NRG1: variants seen among roughly 807,000 people sequenced by gnomAD.
The protein encoded by NRG1 is neuregulin 1.
Under a neutral mutation model 63.8 loss-of-function variants are expected in NRG1, and 18 were observed. That is an observed-to-expected ratio of 0.28 (90% confidence interval 0.19 to 0.42). NRG1 has a LOEUF of 0.42. Ranked by LOEUF, NRG1 falls within the 10% of genes least tolerant of loss-of-function variation. The pLI is 1.00. For missense variants in NRG1, 762 were observed against 814.7 expected, an observed-to-expected ratio of 0.94 and a Z score of 0.79; for synonymous variants, 302 against 301.3, an observed-to-expected ratio of 1.00 and a Z score of -0.02.
At chr8:32,187,200 C>T (rs1842052803) in intron 1 of NRG1, among the ~76,000 whole-genome samples, 1 of 152,094 alleles carries the variant, frequency 6.6e-6, no homozygotes, top group African/African-American at 2.4e-5. Context: ...CCATCATGCT[C>T]TTAACATTTT....
intron 5 of NRG1, among the ~76,000 whole-genome samples, chr8:32,691,007 C>T (rs533927950): frequency 6.6e-6 from 1 of 150,532 alleles, no homozygotes; most frequent in South Asian, 2.1e-4. Context: ...CTAACTCCCC[C>T]AAGAAAAGAC....
intron 1 of NRG1, among the ~76,000 whole-genome samples, chr8:31,954,540 G>A (rs375052527): frequency 6.6e-6 from 1 of 152,188 alleles, no homozygotes; most frequent in African/African-American, 2.4e-5. Context: ...CCTGCTAATT[G>A]TCTGTATAGC....
intron 5 of NRG1, among the ~76,000 whole-genome samples, chr8:32,717,034 A>G (rs894086359): frequency 1.3e-5 from 2 of 152,144 alleles, no homozygotes; most frequent in Admixed American, 6.6e-5. Context: ...GAAAAAGAAG[A>G]AAAAGAAAAA....
intron 1 of NRG1, among the ~76,000 whole-genome samples, chr8:32,572,654 A>G (rs2129528972): frequency 6.6e-6 from 1 of 152,296 alleles, no homozygotes; most frequent in East Asian, 1.9e-4. Context: ...TATGTTACTA[A>G]TACAGCAACA....
intron 5 of NRG1, among the ~76,000 whole-genome samples, chr8:32,638,564 G>A (rs1248579525): frequency 2.0e-5 from 3 of 152,096 alleles, no homozygotes; most frequent in Non-Finnish European, 4.4e-5. Flanking sequence ...CTGGCCTCAG[G>A]CAATCCTCCT....
At chr8:31,932,456 T>C (rs1585865243) in intron 1 of NRG1, among the ~76,000 whole-genome samples, 1 of 152,270 alleles carries the variant, frequency 6.6e-6, no homozygotes, top group East Asian at 1.9e-4. Flanking sequence ...TTCTTGTGCT[T>C]TTCCTTTGAG....
chr8:32,230,240 C>T (rs537643247), intron 1 of NRG1, among the ~76,000 whole-genome samples: 1 of 152,266 alleles, frequency 6.6e-6, no homozygotes, highest in Non-Finnish European at 1.5e-5. Context: ...TCAAAGTGTG[C>T]TAAGGTCAGC....
At chr8:32,343,767 G>A (rs549087318) in intron 1 of NRG1, among the ~76,000 whole-genome samples, 134 of 152,314 alleles carry the variant, frequency 8.8e-4, no homozygotes, top group Non-Finnish European at 1.5e-3. Context: ...AAATTGTTTA[G>A]CACCTCATTG....
chr8:32,335,324 G>T (rs2129477876), intron 1 of NRG1, among the ~76,000 whole-genome samples: 1 of 152,270 alleles, frequency 6.6e-6, no homozygotes, highest in Non-Finnish European at 1.5e-5. Context: ...GTGTGGGTGA[G>T]CTTACCAGTT....
chr8:32,725,080 G>A (rs1821734598), intron 5 of NRG1, among the ~76,000 whole-genome samples: 1 of 152,124 alleles, frequency 6.6e-6, no homozygotes, highest in Admixed American at 6.6e-5. Context: ...ATGTGTCTAT[G>A]TGTTGCTTAT....
intron 1 of NRG1, among the ~76,000 whole-genome samples, chr8:31,676,336 G>A (rs931351956): frequency 6.6e-6 from 1 of 152,076 alleles, no homozygotes. Flanking sequence ...ATTTCCATGC[G>A]ATCATAGCTT....
At chr8:31,694,733 G>A (rs1809882819) in intron 1 of NRG1, among the ~76,000 whole-genome samples, 1 of 152,200 alleles carries the variant, frequency 6.6e-6, no homozygotes, top group Non-Finnish European at 1.5e-5. Flanking sequence ...CAGGCTAGGG[G>A]GCTACAATTC....
chr8:32,127,728 G>A (rs892510228), intron 1 of NRG1, among the ~76,000 whole-genome samples: 2 of 151,732 alleles, frequency 1.3e-5, no homozygotes, highest in Admixed American at 6.6e-5. Context: ...ACACTCTTTT[G>A]CTGCTTAGTG....
intron 1 of NRG1, among the ~76,000 whole-genome samples, chr8:32,109,688 C>A (rs1831748433): frequency 6.6e-6 from 1 of 152,066 alleles, no homozygotes; most frequent in African/African-American, 2.4e-5. Flanking sequence ...GCTTTCTCAT[C>A]AACACCAAGA....
intron 1 of NRG1, among the ~76,000 whole-genome samples, chr8:32,535,633 C>A (rs1265227511): frequency 2.6e-5 from 4 of 152,162 alleles, no homozygotes; most frequent in Non-Finnish European, 5.9e-5. Flanking sequence ...GGGCTAGAGA[C>A]AGGATGATCT....
At chr8:32,664,402 A>T (rs1589069308) in intron 5 of NRG1, among the ~76,000 whole-genome samples, 1 of 152,032 alleles carries the variant, frequency 6.6e-6, no homozygotes, top group Non-Finnish European at 1.5e-5. Context: ...GTAACATATG[A>T]TTCTGATGGG....
chr8:31,902,683 T>TGCAA (rs1832185659), intron 1 of NRG1, among the ~76,000 whole-genome samples: 3 of 152,182 alleles, frequency 2.0e-5, no homozygotes, highest in Non-Finnish European at 2.9e-5. Context: ...CATAATTATT[T>TGCAA]GTGTGCAATA....
chr8:31,697,881 T>C (rs1426307421), intron 1 of NRG1, among the ~76,000 whole-genome samples: 1 of 149,424 alleles, frequency 6.7e-6, no homozygotes, highest in Non-Finnish European at 1.5e-5. Context: ...CTTCCTTCTC[T>C]TTCTCTCTTT....
chr8:31,756,163 C>T (rs563334307), intron 1 of NRG1, among the ~76,000 whole-genome samples: 1 of 152,252 alleles, frequency 6.6e-6, no homozygotes, highest in East Asian at 1.9e-4. Flanking sequence ...ACTGAAGTCT[C>T]AATTCACGTC....
Sources: gnomAD v4.1 joint callset for allele counts (sites outside exome capture counted in the v4.1 genomes callset) on GRCh38, gnomAD v4.1.1 for gene constraint, MANE v1.5 for transcripts, NCBI Gene and HGNC (gene_info 2026-07-23, HGNC 2026-07-21) for gene names.